The following TEP1 variants were observed in gnomAD, a reference collection of about 807,000 sequenced individuals.
The protein encoded by TEP1 is telomerase associated protein 1.
TEP1 carries 241 observed loss-of-function variants against 306.3 expected under a neutral mutation model. The observed-to-expected ratio is 0.79, with a 90% CI of 0.71 to 0.88. TEP1 has a LOEUF of 0.88. TEP1 is among the 40% of genes least tolerant of loss of function. TEP1 has a pLI of 0.00. For missense variants in TEP1, 3,051 were observed against 3,276.1 expected (o/e 0.93, Z 1.68); for synonymous variants, 1,289 against 1,305.5 (o/e 0.99, Z 0.27).
chr14:20,365,830 C>G lies in TEP1; in HGVS notation c.*2607G>C, dbSNP rs1884446518. On this transcript the variant is annotated 3_prime_UTR_variant, in exon 55 of 55. Transcript: ENST00000262715. ...GAACCAAACTTTGAGTACCTCTGCT[C>G]TAGATTTCAAAAACAGATGTGGATA... 1 of 152,164 alleles carries G rather than the reference C, an allele frequency of 6.6e-6. No individual in the cohort carries two copies. The highest frequency in any genetic ancestry group is 6.5e-5 in the Admixed American group (1 of 15,270). 9.4% of individuals were successfully genotyped at this position (152,164 alleles called of 1,614,324 possible).
intron 10 of TEP1, among the ~76,000 whole-genome samples, chr14:20,396,190 A>G (rs76394311): frequency 0.058 from 8,779 of 152,292 alleles, 812 homozygotes; most frequent in African/African-American, 0.2. Flanking sequence ...CCCTCTGGGC[A>G]GGGTGTGGTA....
chr14:20,375,706 GCCCCAGGAAC>G lies in TEP1; in HGVS notation c.6363+39_6363+48del, dbSNP rs759725538. Reference sequence around the variant, plus strand: ...AGGACGAGGTGGGGAGTGTTGTCTTGCCCCAGGAACCCAGCTGGGCTCTGTGCCACCCCTG... The same window carrying G: ...AGGACGAGGTGGGGAGTGTTGTCTTGCCAGCTGGGCTCTGTGCCACCCCTG... On this transcript the variant is annotated intron_variant, in intron 43 of 54. Transcript: ENST00000262715. The G allele has an allele frequency of 8.6e-5, 109 of 1,267,812 alleles. No individual in the cohort carries two copies. In the African/African-American group the frequency reaches 1.3e-3, roughly 15 times the overall value. 78.5% of individuals were successfully genotyped at this position (1,267,812 alleles called of 1,614,324 possible).
At position 20,369,519 on chromosome 14, in the gene TEP1, C is replaced by T. The variant is rs1884693562; in HGVS notation, c.7481G>A (p.Ser2494Asn). Reference protein sequence around the residue: ...DGILWNLAKCSPEGEWTTGNM... With the variant: ...DGILWNLAKCNPEGEWTTGNM... ...ACCTGTGGTCCATTCTCCTTCTGGGCTGCATTTGGCCAGGTTCCATAGGAT... is the reference window on the plus strand; with the variant it reads ...ACCTGTGGTCCATTCTCCTTCTGGGTTGCATTTGGCCAGGTTCCATAGGAT... Residue 2494 changes from serine to asparagine, a missense_variant, in exon 53 of 55, where the codon AGC becomes AAC. By Grantham distance (46) the Ser-to-Asn change is conservative. Coordinates refer to ENST00000262715, the MANE Select transcript of TEP1 (RefSeq NM_007110.5). 6.2e-7 allele frequency: 1 copy of T among 1,614,142 alleles called. No individual in the cohort carries two copies. The highest frequency in any genetic ancestry group is 8.5e-7 in the Non-Finnish European group (1 of 1,180,026).
At position 20,386,517 on chromosome 14, in the gene TEP1, G is replaced by A. The variant is rs147196720; in HGVS notation, c.2791C>T (p.Pro931Ser). The A allele has an allele frequency of 6.4e-4, 1,028 of 1,612,814 alleles. 1 individual carries two copies. The highest frequency in any genetic ancestry group is 8.2e-4 in the Non-Finnish European group (963 of 1,179,444). Residue 931 changes from proline (P) to serine (S), a missense_variant, in exon 19 of 55, where the codon CCT becomes TCT. By Grantham distance (74) the Pro-to-Ser change is moderately conservative. Transcript: ENST00000262715. The part of the protein sequence containing the change: ...VLPALQARAA[P>S]HRISLHGIDL... ...ATTCCGTGAAGGCTGATACGGTGAG[G>A]GGCCGCTCGGGCCTGCAGTGCTGGC...
chr14:20,385,389 T>G (rs1450026160), intron 20 of TEP1, among the ~76,000 whole-genome samples: 1 of 152,204 alleles, frequency 6.6e-6, no homozygotes, highest in Non-Finnish European at 1.5e-5. Flanking sequence ...TTTGTTTTTT[T>G]GAGACTGAGC....
chr14:20,369,735 A>G lies in TEP1; in HGVS notation c.7362T>C (p.Asp2454=). The G allele has an allele frequency of 2.5e-6, 4 of 1,614,166 alleles. No individual in the cohort carries two copies. Among genetic ancestry groups the G allele is most frequent in the Non-Finnish European group, 3.4e-6 (4 of 1,180,038 alleles). Residue 2454 remains aspartate, a synonymous_variant, in exon 52 of 55, where the codon GAT becomes GAC. Transcript: ENST00000262715. ...SGEFEERLNF[D]INLENPSRTL... The stretch of plus-strand genomic sequence containing the variant: ...TCCTACTAGGATTCTCTAAGTTTAT[A>G]TCAAAGTTCAGCCTCTCTTCAAACT...
Position 20,373,673 on chromosome 14 carries a change from G to C in TEP1, c.6604+5C>G, listed in dbSNP as rs760721934. ...GGGAAGGGGAGGTGGCTGACGTTTTGTTACCTGCACGGGGCTCCATGGCAG... is the reference window on the plus strand; with the variant it reads ...GGGAAGGGGAGGTGGCTGACGTTTTCTTACCTGCACGGGGCTCCATGGCAG... On this transcript the variant is annotated splice_donor_5th_base_variant and intron_variant, in intron 45 of 54. Transcript: ENST00000262715. 2 of 1,614,086 alleles carry C rather than the reference G, an allele frequency of 1.2e-6. No individual in the cohort carries two copies. The highest frequency in any genetic ancestry group is 1.7e-6 in the Non-Finnish European group (2 of 1,180,050).
chr14:20,393,004 G>C (rs1468545184), intron 12 of TEP1, among the ~76,000 whole-genome samples: 1 of 70,918 alleles, frequency 1.4e-5, no homozygotes, highest in Non-Finnish European at 3.9e-5. Flanking sequence ...AGATCACAAG[G>C]AGATCGAGAC....
Position 20,377,689 on chromosome 14 carries a change from GGA to G in TEP1, c.5784_5785del (p.Pro1929CysfsTer11). The G allele has an allele frequency of 6.2e-7, 1 of 1,614,098 alleles. No individual in the cohort carries two copies. Among genetic ancestry groups the G allele is most frequent in the Non-Finnish European group, 8.5e-7 (1 of 1,180,014 alleles). On this transcript the variant is annotated frameshift_variant, in exon 40 of 55. Coordinates refer to ENST00000262715, the MANE Select transcript of TEP1 (RefSeq NM_007110.5). LOFTEE classifies it high-confidence loss of function. ...TGGGCTGAGTGCCACAGAGAGGGCA[GGA>G]GAGAGAGAAAGGGAACCCAGGTGCC... is the stretch of plus-strand genomic sequence containing the variant.
chr14:20,407,634 C>G (rs548919922), intron 2 of TEP1, among the ~76,000 whole-genome samples: 1 of 152,322 alleles, frequency 6.6e-6, no homozygotes, highest in East Asian at 1.9e-4. Flanking sequence ...AGCCACCGCA[C>G]CCAGCCAGGA....
intron 10 of TEP1, 33 bp from the exon 11 acceptor site, chr14:20,395,982 C>G (rs755138334): frequency 6.3e-7 from 1 of 1,589,252 alleles, no homozygotes; most frequent in Non-Finnish European, 8.6e-7. Context: ...GTCATGAGCA[C>G]AGGAGCCGGG....
In TEP1 at chr14:20,385,099, T is replaced by C. The variant is rs781568466; in HGVS notation, c.2993A>G (p.Tyr998Cys). ...DHPHFHWAQQ[Y>C]PSGRSVTEME... Reference sequence around the variant, plus strand: ...CTCTGTCACAGAGCGCCCTGAAGGGTACTGCTGGGCCTGCGGGGAGGACAG... The same window carrying C: ...CTCTGTCACAGAGCGCCCTGAAGGGCACTGCTGGGCCTGCGGGGAGGACAG... Residue 998 changes from tyrosine to cysteine, a missense_variant, in exon 21 of 55, where the codon TAC becomes TGC. Physicochemically the swap from Tyr to Cys is radical, Grantham distance 194. Around this residue, in one of 3 missense-constraint regions of TEP1, gnomAD observed 1,507 missense variants for 1,550.5 expected, o/e 0.97. Coordinates refer to ENST00000262715, the MANE Select transcript of TEP1 (RefSeq NM_007110.5). 7 of 1,613,962 alleles carry C rather than the reference T, an allele frequency of 4.3e-6. No individual in the cohort carries two copies. The highest frequency in any genetic ancestry group is 5.9e-6 in the Non-Finnish European group (7 of 1,179,944).
chr14:20,411,486 T>C (rs1879676726), intron 1 of TEP1, among the ~76,000 whole-genome samples: 1 of 152,188 alleles, frequency 6.6e-6, no homozygotes, highest in Non-Finnish European at 1.5e-5. Context: ...CCCAGTCTGA[T>C]TTAGGTGGCC....
chr14:20,372,819 T>G lies in TEP1; in HGVS notation c.6990A>C (p.Ala2330=). 1 of 1,614,198 alleles carries G rather than the reference T, an allele frequency of 6.2e-7. No homozygotes were observed. The highest frequency in any genetic ancestry group is 8.5e-7 in the Non-Finnish European group (1 of 1,180,042). The change falls in exon 49 of 55, where the codon GCA becomes GCC. Residue 2330 remains alanine (A), a synonymous_variant. Coordinates refer to ENST00000262715, the MANE Select transcript of TEP1 (RefSeq NM_007110.5). ...GHIGALIWSS[A]HTFFVLSADE... is the part of the protein sequence containing the mutation. Reference sequence around the variant, plus strand: ...CAGCACTGAGGACAAAAAAGGTGTGTGCCGAGGACCAGATCAGAGCACCAA... The same window carrying G: ...CAGCACTGAGGACAAAAAAGGTGTGGGCCGAGGACCAGATCAGAGCACCAA...
At chr14:20,370,996 T>C (rs61142604) in intron 51 of TEP1, among the ~76,000 whole-genome samples, 1,857 of 152,342 alleles carry the variant, frequency 0.012, 47 homozygotes, top group African/African-American at 0.043. Flanking sequence ...TATGGTTTCC[T>C]ATGGCTTTCT....
rs781121227 is a variant in TEP1 at position 20,405,446 on chromosome 14, A to C, written c.870+5T>G. 17 of 1,613,776 alleles carry C rather than the reference A, an allele frequency of 1.1e-5. No homozygotes were observed. The highest frequency in any genetic ancestry group is 1.4e-5 in the Non-Finnish European group (17 of 1,179,922). On this transcript the variant is annotated splice_donor_5th_base_variant and intron_variant, in intron 4 of 54. Transcript: ENST00000262715. ...ACCCCCATCCCCTCCTTCACACCTC[A>C]ATACCTTGAGGATAAACTCAGGCTC...
chr14:20,393,986 C>T (rs2139129520), intron 12 of TEP1, among the ~76,000 whole-genome samples: 1 of 152,092 alleles, frequency 6.6e-6, no homozygotes, highest in East Asian at 1.9e-4. Flanking sequence ...ACTTGGGAGG[C>T]TGAGGCAGGA....
Position 20,384,972 on chromosome 14 carries a change from C to T in TEP1, c.3107+13G>A. ...TGGGGAAGGAGCCCCAGCCTGCAGG[C>T]AACAGACAGTACCTGAGGAAGCTGG... On this transcript the variant is annotated intron_variant, in intron 21 of 54. Coordinates refer to ENST00000262715, the MANE Select transcript of TEP1 (RefSeq NM_007110.5). 6.2e-7 allele frequency: 1 copy of T among 1,614,178 alleles called. No individual in the cohort carries two copies. The highest frequency in any genetic ancestry group is 8.5e-7 in the Non-Finnish European group (1 of 1,180,032).
chr14:20,403,927 C>T (rs1878964480), intron 5 of TEP1, 43 bp from the exon 6 acceptor site: 1 of 1,612,318 alleles, frequency 6.2e-7, no homozygotes, highest in East Asian at 2.2e-5. Context: ...AAGACCCAAA[C>T]CAACCCTCCA....
Sources: gnomAD v4.1 joint callset for allele counts (sites outside exome capture counted in the v4.1 genomes callset) on GRCh38, gnomAD v4.1.1 for gene constraint, gnomAD v4.1.1 regional missense constraint, MANE v1.5 for transcripts, NCBI Gene and HGNC (gene_info 2026-07-23, HGNC 2026-07-21) for gene names.